The following FHIT variants were observed in gnomAD, a reference collection of about 807,000 sequenced individuals.
FHIT encodes the protein bis(5'-adenosyl)-triphosphatase.
In FHIT, 19 loss-of-function variants were observed where a neutral mutation model predicts 17.9. The observed-to-expected ratio is 1.06, with a 90% CI of 0.74 to 1.56. The LOEUF (loss-of-function observed/expected upper bound fraction) is 1.56. Among genes scored for constraint, FHIT ranks in the 40% most tolerant of loss-of-function variants. The pLI, the probability that FHIT is intolerant of heterozygous loss-of-function variation, is 0.00. For missense variants in FHIT, 248 were observed against 189.2 expected, an observed-to-expected ratio of 1.31 and a Z score of -1.82; for synonymous variants, 81 against 69.7, an observed-to-expected ratio of 1.16 and a Z score of -0.81.
chr3:60,313,498 G>A (rs1157040846), intron 5 of FHIT, among the ~76,000 whole-genome samples: 1 of 152,160 alleles, frequency 6.6e-6, no homozygotes, highest in African/African-American at 2.4e-5. Context: ...CTATAACTTA[G>A]ATTTCATGTG....
At chr3:60,376,032 A>G (rs1277349714) in intron 5 of FHIT, among the ~76,000 whole-genome samples, 1 of 152,346 alleles carries the variant, frequency 6.6e-6, no homozygotes, top group East Asian at 1.9e-4. Flanking sequence ...GTTTCCATGC[A>G]GAAGCAGAAG....
intron 5 of FHIT, among the ~76,000 whole-genome samples, chr3:60,048,102 T>A (rs1361745770): frequency 1.3e-5 from 2 of 152,248 alleles, no homozygotes; most frequent in East Asian, 3.9e-4. Flanking sequence ...TGTGTCCTAA[T>A]CTCCTCCACG....
intron 3 of FHIT, among the ~76,000 whole-genome samples, chr3:61,040,119 C>T (rs1320538773): frequency 6.6e-6 from 1 of 152,076 alleles, no homozygotes; most frequent in African/African-American, 2.4e-5. Flanking sequence ...CCTTACTCTC[C>T]CCTTTAAATG....
intron 7 of FHIT, among the ~76,000 whole-genome samples, chr3:59,977,100 C>G (rs760785472): frequency 2.0e-5 from 3 of 152,134 alleles, no homozygotes; most frequent in Non-Finnish European, 4.4e-5. Flanking sequence ...CTTAGCTGAT[C>G]AGAGAGGGCC....
chr3:60,916,700 TTAC>T (rs1454589958), intron 3 of FHIT, among the ~76,000 whole-genome samples: 12 of 152,212 alleles, frequency 7.9e-5, no homozygotes, highest in African/African-American at 2.9e-4. Flanking sequence ...CTGAATATTT[TTAC>T]ATAACATCAG....
intron 4 of FHIT, among the ~76,000 whole-genome samples, chr3:60,548,144 C>CGA (rs869140510): frequency 6.0e-3 from 9 of 1,504 alleles, no homozygotes; most frequent in African/African-American, 0.016. Context: ...AGAGAGAGAG[C>CGA]GAGAGAGAGA....
intron 4 of FHIT, among the ~76,000 whole-genome samples, chr3:60,592,719 G>A (rs2038128383): frequency 6.6e-6 from 1 of 152,114 alleles, no homozygotes; most frequent in African/African-American, 2.4e-5. Flanking sequence ...AACAAGGAAG[G>A]TTAGAAATGT....
intron 5 of FHIT, among the ~76,000 whole-genome samples, chr3:60,401,828 AC>A (rs1252114649): frequency 4.6e-5 from 7 of 152,160 alleles, no homozygotes; most frequent in African/African-American, 1.7e-4. Context: ...AGTCTTGAAA[AC>A]AATTTGGACA....
At chr3:60,691,357 T>C (rs2107886132) in intron 4 of FHIT, among the ~76,000 whole-genome samples, 1 of 152,126 alleles carries the variant, frequency 6.6e-6, no homozygotes, top group Middle Eastern at 3.4e-3. Context: ...TTTTCCCCTC[T>C]TGATTTTTTC....
At chr3:60,906,738 T>G (rs1447821690) in intron 3 of FHIT, among the ~76,000 whole-genome samples, 3 of 152,228 alleles carry the variant, frequency 2.0e-5, no homozygotes, top group African/African-American at 7.2e-5. Flanking sequence ...TATCATTTTG[T>G]GGAACTTCAT....
chr3:59,855,227 T>A (rs189421483), intron 8 of FHIT, among the ~76,000 whole-genome samples: 1 of 152,342 alleles, frequency 6.6e-6, no homozygotes, highest in Non-Finnish European at 1.5e-5. Context: ...TAAGTTATTC[T>A]GTTAAATGGA....
At chr3:60,686,390 T>C (rs1553698439) in intron 4 of FHIT, among the ~76,000 whole-genome samples, 1 of 152,152 alleles carries the variant, frequency 6.6e-6, no homozygotes, top group East Asian at 1.9e-4. Context: ...GTGGGTTTTG[T>C]AATGAAAAGT....
At chr3:59,854,454 A>T (rs1377123145) in intron 8 of FHIT, among the ~76,000 whole-genome samples, 2 of 152,144 alleles carry the variant, frequency 1.3e-5, no homozygotes, top group Non-Finnish European at 2.9e-5. Context: ...CCCAATCATC[A>T]CTTAGGTCAT....
intron 2 of FHIT, among the ~76,000 whole-genome samples, chr3:61,082,519 A>C (rs901582389): frequency 6.6e-6 from 1 of 152,234 alleles, no homozygotes; most frequent in African/African-American, 2.4e-5. Context: ...AAAAGCTATT[A>C]AAAATAATGG....
At chr3:60,315,837 C>G (rs372350756) in intron 5 of FHIT, among the ~76,000 whole-genome samples, 3 of 152,288 alleles carry the variant, frequency 2.0e-5, no homozygotes, top group African/African-American at 7.2e-5. Context: ...GATCGCAGGG[C>G]AGTGCACTCA....
intron 4 of FHIT, among the ~76,000 whole-genome samples, chr3:60,599,932 C>T (rs1331852065): frequency 6.6e-6 from 1 of 152,148 alleles, no homozygotes; most frequent in South Asian, 2.1e-4. Flanking sequence ...TTTATGGCCA[C>T]TACTTACTAG....
chr3:60,050,424 T>C lies in FHIT; in HGVS notation c.104-36272A>G, dbSNP rs147442029. Among the ~76,000 whole-genome samples, 8 of 152,320 alleles carry C rather than the reference T, an allele frequency of 5.3e-5. No individual in the cohort carries two copies. In the East Asian group the frequency reaches 1.5e-3, roughly 29 times the overall value. On this transcript the variant is annotated intron_variant, in intron 5 of 9. Transcript: ENST00000492590. The stretch of plus-strand genomic sequence containing the variant: ...CCATATTTGGATCTTCAGTCCATCA[T>C]GAAGCCCTATAGCACTTAGAGCAGC...
intron 2 of FHIT, among the ~76,000 whole-genome samples, chr3:61,188,385 G>C (rs2038595308): frequency 6.6e-6 from 1 of 152,120 alleles, no homozygotes; most frequent in Admixed American, 6.5e-5. Context: ...AAACCAGAAA[G>C]AAGTTGAATC....
At chr3:60,159,740 G>A (rs1700855009) in intron 5 of FHIT, among the ~76,000 whole-genome samples, 1 of 152,132 alleles carries the variant, frequency 6.6e-6, no homozygotes. Context: ...TCAAAGCTGA[G>A]GAAACTGAAG....
Sources: gnomAD v4.1 joint callset for allele counts (sites outside exome capture counted in the v4.1 genomes callset) on GRCh38, gnomAD v4.1.1 for gene constraint, MANE v1.5 for transcripts, NCBI Gene and HGNC (gene_info 2026-07-23, HGNC 2026-07-21) for gene names.